Variants in CACNA2D2 observed in about 807,000 individuals in gnomAD.
CACNA2D2 encodes voltage-dependent calcium channel subunit alpha-2/delta-2.
In CACNA2D2, 48 loss-of-function variants were observed where a neutral mutation model predicts 166.4. The observed-to-expected ratio is 0.29, with a 90% CI of 0.23 to 0.37. The LOEUF (loss-of-function observed/expected upper bound fraction) is 0.37, where lower values mean the gene tolerates loss of function less well. Among genes scored for constraint, CACNA2D2 ranks in the 10% least tolerant of loss-of-function variants. The pLI is 1.00. For synonymous variants in CACNA2D2, 561 were observed against 573.7 expected (o/e 0.98, Z 0.32); for missense variants, 1,122 against 1,433.0 (o/e 0.78, Z 3.50).
At position 50,367,394 on chromosome 3, in the gene CACNA2D2, C is replaced by T; in HGVS notation, c.2401G>A (p.Ala801Thr). The T allele has an allele frequency of 6.2e-7, 1 of 1,613,478 alleles. No homozygotes were observed. The highest frequency in any genetic ancestry group is 8.5e-7 in the Non-Finnish European group (1 of 1,179,782). Residue 801 changes from alanine (A) to threonine (T), a missense_variant and splice_region_variant, in exon 27 of 38, where the codon GCC (alanine) becomes ACC (threonine). Ala to Thr is a moderately conservative substitution (Grantham distance 58). Transcript: ENST00000424201. The surrounding 1 kb of genome is among the most constrained non-coding windows in gnomAD (Gnocchi z 6.5). ...CTGGGCACACTGCGGGGACACTCACCATCCTGGTGTGGGGGCTTGAAGACA... is the reference window on the plus strand; with the variant it reads ...CTGGGCACACTGCGGGGACACTCACTATCCTGGTGTGGGGGCTTGAAGACA... ...GYVFKPPHQDALLRPLELEND... is the reference protein window; with the variant it reads ...GYVFKPPHQDTLLRPLELEND...
chr3:50,378,418 C>T, intron 13 of CACNA2D2, 85 bp from the exon 14 acceptor site: 2 of 1,357,754 alleles, frequency 1.5e-6, no homozygotes, highest in Admixed American at 2.0e-5. Context: ...GGTGTGTCTG[C>T]AGCCCTGCCT....
intron 1 of CACNA2D2, among the ~76,000 whole-genome samples, chr3:50,489,821 G>A (rs1698449567): frequency 6.6e-6 from 1 of 152,184 alleles, no homozygotes; most frequent in African/African-American, 2.4e-5. Flanking sequence ...GGGAGCCTGG[G>A]GGCCTGGAGC....
chr3:50,460,149 TAAAGA>T (rs1709527710), intron 2 of CACNA2D2, among the ~76,000 whole-genome samples: 1 of 152,118 alleles, frequency 6.6e-6, no homozygotes, highest in Non-Finnish European at 1.5e-5. Flanking sequence ...TTTTTAAAAT[TAAAGA>T]AAAAAAGGAG....
At chr3:50,429,943 G>A (rs1364739917) in intron 3 of CACNA2D2, among the ~76,000 whole-genome samples, 2 of 152,074 alleles carry the variant, frequency 1.3e-5, no homozygotes, top group African/African-American at 4.8e-5. Context: ...CAATTCCAAT[G>A]TGCAACCAGG....
At chr3:50,487,570 G>A (rs539367709) in intron 1 of CACNA2D2, among the ~76,000 whole-genome samples, 37 of 152,236 alleles carry the variant, frequency 2.4e-4, no homozygotes, top group African/African-American at 7.7e-4. Context: ...TGTTACTCTC[G>A]GGTGCTCTGT....
At position 50,378,900 on chromosome 3, in the gene CACNA2D2, G is replaced by T. The variant is rs1158425892; in HGVS notation, c.1339+15C>A. The T allele has an allele frequency of 6.2e-7, 1 of 1,612,834 alleles. No individual in the cohort carries two copies. Reference sequence around the variant, plus strand: ...TGGCAGGCAGGCCCCTGACAGTGATGCGCAGGGGAGGTACCTTTGTTGGCA... The same window carrying T: ...TGGCAGGCAGGCCCCTGACAGTGATTCGCAGGGGAGGTACCTTTGTTGGCA... On this transcript the variant is annotated intron_variant, in intron 13 of 37. Transcript: ENST00000424201.
Position 50,367,841 on chromosome 3 carries a change from C to T in CACNA2D2, c.2205G>A (p.Glu735=), listed in dbSNP as rs1559876486. The T allele has an allele frequency of 1.2e-6, 2 of 1,612,514 alleles. No individual in the cohort carries two copies. The highest frequency in any genetic ancestry group is 1.1e-5 in the South Asian group (1 of 91,018). The change falls in exon 25 of 38, where the codon GAG becomes GAA. Residue 735 remains glutamate, a synonymous_variant. Transcript: ENST00000424201. This position sits in a 1 kb window ranked among gnomAD's most constrained non-coding sequence, Gnocchi z 6.5. The part of the protein sequence containing the change: ...LDTGITQQLV[E]RVWRDQDLNT... The stretch of plus-strand genomic sequence containing the variant: ...TGAGATCCTGGTCCCTCCACACACG[C>T]TCTACCAGCTGCTGCGTGATGCCCG...
chr3:50,378,212 C>T (rs1273009707), intron 14 of CACNA2D2, 72 bp downstream of exon 14: 6 of 1,557,490 alleles, frequency 3.9e-6, no homozygotes, highest in Non-Finnish European at 5.2e-6. Flanking sequence ...CCTTGGCCCA[C>T]AGCAGCCCAT....
chr3:50,488,288 C>T (rs1052124578), intron 1 of CACNA2D2, among the ~76,000 whole-genome samples: 2 of 152,200 alleles, frequency 1.3e-5, no homozygotes, highest in South Asian at 2.1e-4. Flanking sequence ...CCTCCACACA[C>T]TGGATGGAAG....
chr3:50,404,198 TG>T (rs1187419463), intron 3 of CACNA2D2, among the ~76,000 whole-genome samples: 2 of 151,778 alleles, frequency 1.3e-5, no homozygotes, highest in Non-Finnish European at 2.9e-5. Context: ...CAAGATGGTG[TG>T]GGGGGTGAAG....
chr3:50,465,038 G>A (rs1709768899), intron 2 of CACNA2D2, among the ~76,000 whole-genome samples: 1 of 152,196 alleles, frequency 6.6e-6, no homozygotes, highest in East Asian at 1.9e-4. Flanking sequence ...AATCTACCCA[G>A]CTGTACTCCT....
At chr3:50,395,123 G>A (rs1182823517) in intron 3 of CACNA2D2, among the ~76,000 whole-genome samples, 1 of 152,212 alleles carries the variant, frequency 6.6e-6, no homozygotes, top group Non-Finnish European at 1.5e-5. Context: ...GCAGAGCTGA[G>A]AGCAGTGATG....
At chr3:50,484,177 G>A (rs1226285509) in intron 1 of CACNA2D2, among the ~76,000 whole-genome samples, 1 of 152,140 alleles carries the variant, frequency 6.6e-6, no homozygotes, top group African/African-American at 2.4e-5. Context: ...CCTAGAACCC[G>A]CTTTCTCTCA....
chr3:50,364,748 A>C lies in CACNA2D2; in HGVS notation c.3350T>G (p.Val1117Gly). 5.7e-6 allele frequency: 9 copies of C among 1,567,482 alleles called. No individual in the cohort carries two copies. The highest frequency in any genetic ancestry group is 7.8e-6 in the Non-Finnish European group (9 of 1,157,156). Reference protein sequence around the residue: ...ASFPPSLGVLVSLQLLLLLGL... With the variant: ...ASFPPSLGVLGSLQLLLLLGL... ...CAGGAGGAGCAGCAGTTGCAGGGAG[A>C]CCAGGACGCCCAGCGACGGCGGGAA... Residue 1117 changes from valine to glycine, a missense_variant, in exon 38 of 38, where the codon GTC becomes GGC. Physicochemically the swap from Val to Gly is moderately radical, Grantham distance 109. Coordinates refer to ENST00000424201, the MANE Select transcript of CACNA2D2 (RefSeq NM_006030.4).
intron 3 of CACNA2D2, among the ~76,000 whole-genome samples, chr3:50,398,684 G>T (rs1012415638): frequency 6.6e-6 from 1 of 152,154 alleles, no homozygotes; most frequent in Middle Eastern, 3.2e-3. Context: ...GTCACTGATG[G>T]TGCCTTGCCT....
At chr3:50,370,082 G>A (rs1704572300) in intron 23 of CACNA2D2, among the ~76,000 whole-genome samples, 2 of 152,222 alleles carry the variant, frequency 1.3e-5, no homozygotes, top group South Asian at 4.1e-4. Context: ...AGATGAGTCT[G>A]GAGCCCTCCT....
chr3:50,496,964 G>A (rs1394287450), intron 1 of CACNA2D2, among the ~76,000 whole-genome samples: 1 of 152,234 alleles, frequency 6.6e-6, no homozygotes, highest in Non-Finnish European at 1.5e-5. Context: ...CCCCTTTGTT[G>A]AATGAGGATC....
chr3:50,441,981 G>A (rs1284263211), intron 2 of CACNA2D2, among the ~76,000 whole-genome samples: 1 of 152,228 alleles, frequency 6.6e-6, no homozygotes, highest in Non-Finnish European at 1.5e-5. Context: ...CAGCCCAGCT[G>A]TCAGGAATGC....
At position 50,380,327 on chromosome 3, in the gene CACNA2D2, C is replaced by G. The variant is rs918716215; in HGVS notation, c.843-309G>C. On this transcript the variant is annotated intron_variant, in intron 8 of 37. Coordinates refer to ENST00000424201, the MANE Select transcript of CACNA2D2 (RefSeq NM_006030.4). The surrounding 1 kb of genome is among the most constrained non-coding windows in gnomAD (Gnocchi z 4.9). ...TGTCCTCTGCCTCAGGTTGGGGCCC[C>G]GAGGGCACAGTCTAGCTGTGTATGG... Among the ~76,000 whole-genome samples the G allele has an allele frequency of 6.6e-6, 1 of 152,120 alleles. No individual in the cohort carries two copies. Among genetic ancestry groups the G allele is most frequent in the Non-Finnish European group, 1.5e-5 (1 of 68,032 alleles).
Sources: gnomAD v4.1 joint callset for allele counts (sites outside exome capture counted in the v4.1 genomes callset) on GRCh38, gnomAD v4.1.1 for gene constraint, Gnocchi (gnomAD v3.1) non-coding constraint, MANE v1.5 for transcripts, NCBI Gene and HGNC (gene_info 2026-07-23, HGNC 2026-07-21) for gene names.